Variants in TIMELESS observed in about 807,000 individuals in gnomAD.
TIMELESS encodes protein timeless homolog.
TIMELESS carries 124 observed loss-of-function variants against 164.3 expected under a neutral mutation model. The observed-to-expected ratio is 0.75, with a 90% CI of 0.65 to 0.88. TIMELESS has a LOEUF of 0.88. Ranked by LOEUF, TIMELESS falls within the 40% of genes least tolerant of loss-of-function variation. The pLI, the probability that TIMELESS is intolerant of heterozygous loss-of-function variation, is 0.00. For missense variants in TIMELESS, 1,422 were observed against 1,491.4 expected, an observed-to-expected ratio of 0.95 and a Z score of 0.77; for synonymous variants, 564 against 563.4, an observed-to-expected ratio of 1.00 and a Z score of -0.02.
chr12:56,431,385 G>A (rs1442145588), intron 8 of TIMELESS, 86 bp downstream of exon 8: 2 of 852,106 alleles, frequency 2.3e-6, no homozygotes, highest in Non-Finnish European at 3.5e-6. Context: ...CTAAAATGTT[G>A]TTCAATCACC....
chr12:56,448,755 T>C (rs1208637203), intron 1 of TIMELESS, among the ~76,000 whole-genome samples: 1 of 151,826 alleles, frequency 6.6e-6, no homozygotes, highest in Non-Finnish European at 1.5e-5. Flanking sequence ...AATAAAAAAT[T>C]GAAAGTACTA....
At chr12:56,422,672 C>T (rs1187535529) in intron 19 of TIMELESS, among the ~76,000 whole-genome samples, 175 bp downstream of exon 19, 2 of 152,182 alleles carry the variant, frequency 1.3e-5, no homozygotes, top group Non-Finnish European at 2.9e-5. Flanking sequence ...GTCCCTGCTC[C>T]TCTCTTGGAT....
chr12:56,421,208 G>A, intron 23 of TIMELESS, 74 bp from the exon 24 acceptor site: 1 of 1,601,068 alleles, frequency 6.2e-7, no homozygotes. Flanking sequence ...CCTCGTTCCT[G>A]ACCACCGCAC....
At chr12:56,446,623 G>A (rs769307624) in intron 1 of TIMELESS, among the ~76,000 whole-genome samples, 1 of 152,034 alleles carries the variant, frequency 6.6e-6, no homozygotes, top group Non-Finnish European at 1.5e-5. Context: ...CTGAGGTCAG[G>A]ACTTCAAGAC....
chr12:56,447,585 ATG>A (rs1383814463), intron 1 of TIMELESS, among the ~76,000 whole-genome samples: 11 of 152,256 alleles, frequency 7.2e-5, no homozygotes, highest in Non-Finnish European at 2.9e-5. Context: ...ACTCAATTAC[ATG>A]TGTTTTCCTT....
At chr12:56,442,972 C>T (rs992616583) in intron 1 of TIMELESS, among the ~76,000 whole-genome samples, 4 of 152,154 alleles carry the variant, frequency 2.6e-5, no homozygotes, top group Non-Finnish European at 5.9e-5. Context: ...CTCTTAATCC[C>T]GTCATCTTCA....
At chr12:56,444,462 C>T (rs184920128) in intron 1 of TIMELESS, among the ~76,000 whole-genome samples, 225 of 152,302 alleles carry the variant, frequency 1.5e-3, no homozygotes, top group Admixed American at 2.5e-3. Context: ...TCATTAATCA[C>T]TTCCTGTCCC....
At chr12:56,420,006 C>CAAAA (rs57647901) in intron 26 of TIMELESS, among the ~76,000 whole-genome samples, 504 of 13,266 alleles carry the variant, frequency 0.038, 138 homozygotes, top group African/African-American at 0.13. Context: ...GACTCTGTCT[C>CAAAA]AAAAAAAAAA....
In TIMELESS at chr12:56,420,867, G is replaced by A; in HGVS notation, c.3055C>T (p.Leu1019Phe). The change falls in exon 25 of 29, where the codon CTC becomes TTC. Residue 1019 changes from leucine to phenylalanine, a missense_variant. Coordinates refer to ENST00000553532, the MANE Select transcript of TIMELESS (RefSeq NM_003920.5). ...ATCAGGCAGTTCTGGAGCCATAGGA[G>A]CGGGATAGAAAAGCCTAAGGAAATG... is the stretch of plus-strand genomic sequence containing the variant. Reference protein sequence around the residue: ...SLHQEGFSIPLLWLQNCLIRA... With the variant: ...SLHQEGFSIPFLWLQNCLIRA... The A allele has an allele frequency of 1.2e-6, 2 of 1,614,194 alleles. No homozygotes were observed. The highest frequency in any genetic ancestry group is 1.7e-6 in the Non-Finnish European group (2 of 1,180,030).
chr12:56,444,634 G>A (rs904451580), intron 1 of TIMELESS, among the ~76,000 whole-genome samples: 2 of 151,834 alleles, frequency 1.3e-5, no homozygotes, highest in Non-Finnish European at 2.9e-5. Context: ...GCAGCCTCAA[G>A]CCCCCAGGCT....
At chr12:56,441,175 T>A (rs1390039345) in intron 1 of TIMELESS, among the ~76,000 whole-genome samples, 1 of 152,226 alleles carries the variant, frequency 6.6e-6, no homozygotes, top group Non-Finnish European at 1.5e-5. Flanking sequence ...CTATGTCTTT[T>A]TAAATGTTAT....
Position 56,433,845 on chromosome 12 carries a change from A to G in TIMELESS, c.179T>C (p.Ile60Thr), listed in dbSNP as rs1199924886. 6.2e-7 allele frequency: 1 copy of G among 1,614,168 alleles called. No individual in the cohort carries two copies. Among genetic ancestry groups the G allele is most frequent in the East Asian group, 2.2e-5 (1 of 44,888 alleles). The change falls in exon 3 of 29, where the codon ATC becomes ACC. Residue 60 changes from isoleucine to threonine, a missense_variant. Transcript: ENST00000553532. ...GATGGGCAGAAGGTCGCTCTGTAGG[A>G]TCTGGGCTGCCCCCAGCTGCTGCCG... ...DVRQQLGAAQ[I>T]LQSDLLPILT...
intron 26 of TIMELESS, among the ~76,000 whole-genome samples, chr12:56,419,642 C>T (rs1355191329): frequency 6.6e-6 from 1 of 151,722 alleles, no homozygotes; most frequent in African/African-American, 2.4e-5. Context: ...GATGGGGATG[C>T]CATTTGGAGT....
intron 1 of TIMELESS, among the ~76,000 whole-genome samples, chr12:56,438,130 C>G (rs569031177): frequency 5.6e-4 from 86 of 152,220 alleles, no homozygotes; most frequent in Middle Eastern, 3.4e-3. Flanking sequence ...CAACCTCTGC[C>G]TCCCTCCCGG....
chr12:56,437,736 T>TC (rs1389198214), intron 1 of TIMELESS, among the ~76,000 whole-genome samples: 2 of 152,104 alleles, frequency 1.3e-5, no homozygotes, highest in African/African-American at 4.8e-5. Context: ...AAGGGGCAGC[T>TC]CTTCAGGGCA....
chr12:56,432,910 G>A (rs1012471641), intron 6 of TIMELESS, 116 bp downstream of exon 6: 13 of 694,750 alleles, frequency 1.9e-5, no homozygotes, highest in African/African-American at 6.3e-5. Flanking sequence ...AGCTGAGATC[G>A]CACCACTGCA....
chr12:56,441,973 C>T (rs973001714), intron 1 of TIMELESS, among the ~76,000 whole-genome samples: 2 of 150,228 alleles, frequency 1.3e-5, no homozygotes, highest in African/African-American at 4.9e-5. Flanking sequence ...AATCCCAGCT[C>T]CTCGGGAGGC....
At chr12:56,431,191 T>C (rs1881865992) in intron 8 of TIMELESS, among the ~76,000 whole-genome samples, 1 of 151,800 alleles carries the variant, frequency 6.6e-6, no homozygotes, top group African/African-American at 2.4e-5. Context: ...CTGTCTCTAC[T>C]AAAAATACAA....
At chr12:56,445,562 A>T (rs1313109476) in intron 1 of TIMELESS, among the ~76,000 whole-genome samples, 2 of 150,786 alleles carry the variant, frequency 1.3e-5, no homozygotes, top group Non-Finnish European at 3.0e-5. Flanking sequence ...AACATGGAGA[A>T]ACCCTGTCTC....
Sources: gnomAD v4.1 joint callset for allele counts (sites outside exome capture counted in the v4.1 genomes callset) on GRCh38, gnomAD v4.1.1 for gene constraint, MANE v1.5 for transcripts, NCBI Gene and HGNC (gene_info 2026-07-23, HGNC 2026-07-21) for gene names.